The following NAV2 variants were observed in gnomAD, a reference collection of about 807,000 sequenced individuals.
The protein encoded by NAV2 is neuron navigator 2.
NAV2 carries 54 observed loss-of-function variants against 223.2 expected under a neutral mutation model. The ratio of observed to expected loss-of-function variants is 0.24; its 90% CI spans 0.19 to 0.30. The LOEUF (loss-of-function observed/expected upper bound fraction) is 0.30, where lower values mean the gene tolerates loss of function less well. Ranked by LOEUF, NAV2 falls within the 10% of genes least tolerant of loss-of-function variation. The probability of loss-of-function intolerance (pLI) is 1.00; values close to 1 mark genes in which losing one functional copy is unlikely to be tolerated. For missense variants in NAV2, 2,806 were observed against 3,147.5 expected (o/e 0.89, Z 2.60); for synonymous variants, 1,279 against 1,239.3 (o/e 1.03, Z -0.67).
At chr11:19,447,500 G>T (rs1431437034) in intron 1 of NAV2, among the ~76,000 whole-genome samples, 1 of 152,216 alleles carries the variant, frequency 6.6e-6, no homozygotes, top group Non-Finnish European at 1.5e-5. Flanking sequence ...GCTGTGGAAA[G>T]TGAGGATAGT....
At chr11:19,980,708 C>T (rs180780816) in intron 10 of NAV2, among the ~76,000 whole-genome samples, 261 of 152,316 alleles carry the variant, frequency 1.7e-3, no homozygotes, top group African/African-American at 5.9e-3. Context: ...ATACAATAGC[C>T]AATTCCTATA....
chr11:19,724,904 C>T (rs1158361040), intron 1 of NAV2, among the ~76,000 whole-genome samples: 6 of 152,184 alleles, frequency 3.9e-5, no homozygotes, highest in South Asian at 4.1e-4. Context: ...AATGCTAGGG[C>T]GAGGCCTGGG....
At chr11:19,559,412 A>T (rs922535742) in intron 1 of NAV2, among the ~76,000 whole-genome samples, 10 of 152,200 alleles carry the variant, frequency 6.6e-5, no homozygotes, top group African/African-American at 2.2e-4. Context: ...TGTCAGGTGG[A>T]TATAGTAAAG....
chr11:20,026,001 G>A (rs986858623), intron 11 of NAV2, among the ~76,000 whole-genome samples: 7 of 152,186 alleles, frequency 4.6e-5, no homozygotes, highest in African/African-American at 1.4e-4. Flanking sequence ...ATGCTAACTG[G>A]ATGTTATTAG....
chr11:19,780,490 A>G (rs909122966), intron 1 of NAV2, among the ~76,000 whole-genome samples: 4 of 152,262 alleles, frequency 2.6e-5, no homozygotes, highest in African/African-American at 7.2e-5. Context: ...GCAAAAGGAA[A>G]GGCACTGAGA....
At chr11:20,043,450 T>A (rs908577611) in intron 12 of NAV2, among the ~76,000 whole-genome samples, 2 of 152,196 alleles carry the variant, frequency 1.3e-5, no homozygotes, top group Non-Finnish European at 2.9e-5. Flanking sequence ...CTTTTGCTTT[T>A]CTTTTCTTCT....
At chr11:19,607,416 A>G (rs953700253) in intron 1 of NAV2, among the ~76,000 whole-genome samples, 2 of 152,152 alleles carry the variant, frequency 1.3e-5, no homozygotes, top group African/African-American at 4.8e-5. Context: ...CCCACTGGTG[A>G]GCAGAAGAGG....
intron 1 of NAV2, among the ~76,000 whole-genome samples, chr11:19,509,833 A>G (rs2007113): frequency 0.33 from 49,902 of 150,314 alleles, 8,726 homozygotes; most frequent in South Asian, 0.41. Flanking sequence ...CTTTAATCTC[A>G]CCCAAAACAT....
chr11:20,098,393 T>TA (rs1008461468), intron 31 of NAV2, among the ~76,000 whole-genome samples: 28 of 152,346 alleles, frequency 1.8e-4, no homozygotes, highest in African/African-American at 6.5e-4. Flanking sequence ...CTCCTGCTGT[T>TA]AAAAAGGCTG....
At chr11:19,996,345 T>C (rs1394233111) in intron 11 of NAV2, among the ~76,000 whole-genome samples, 2 of 152,222 alleles carry the variant, frequency 1.3e-5, no homozygotes, top group Non-Finnish European at 2.9e-5. Flanking sequence ...GCAAAGCCAC[T>C]GCATCTGGAT....
At chr11:19,481,485 A>G (rs1010133966) in intron 1 of NAV2, among the ~76,000 whole-genome samples, 2 of 152,240 alleles carry the variant, frequency 1.3e-5, no homozygotes, top group African/African-American at 4.8e-5. Context: ...CTGAAGGCAG[A>G]AAGACTTGGG....
intron 1 of NAV2, among the ~76,000 whole-genome samples, chr11:19,491,623 T>A (rs1043521576): frequency 6.6e-6 from 1 of 152,230 alleles, no homozygotes; most frequent in African/African-American, 2.4e-5. Context: ...GATGATTTGA[T>A]CTTCTGTCCA....
intron 6 of NAV2, among the ~76,000 whole-genome samples, chr11:19,898,166 T>A (rs997253581): frequency 1.3e-5 from 2 of 152,116 alleles, no homozygotes; most frequent in Non-Finnish European, 2.9e-5. Flanking sequence ...CTTACATGCA[T>A]ATAGAAGATA....
intron 35 of NAV2, among the ~76,000 whole-genome samples, chr11:20,106,501 T>C (rs1413102127): frequency 4.5e-5 from 6 of 133,354 alleles, no homozygotes; most frequent in Admixed American, 1.6e-4. Context: ...CGGAGGCTGC[T>C]GTGAGCCGAG....
intron 3 of NAV2, among the ~76,000 whole-genome samples, chr11:19,867,194 C>T (rs1486999359): frequency 4.6e-5 from 7 of 152,108 alleles, no homozygotes; most frequent in African/African-American, 1.2e-4. Context: ...CAGATTGCTC[C>T]AAGACATCAC....
At chr11:19,757,785 C>G (rs1443858827) in intron 1 of NAV2, among the ~76,000 whole-genome samples, 14 of 152,098 alleles carry the variant, frequency 9.2e-5, no homozygotes, top group Admixed American at 9.2e-4. Context: ...GCACAAAAGC[C>G]CTAAGAGATA....
At chr11:19,932,375 T>C (rs998272172) in intron 6 of NAV2, among the ~76,000 whole-genome samples, 1 of 152,122 alleles carries the variant, frequency 6.6e-6, no homozygotes, top group Non-Finnish European at 1.5e-5. Context: ...TCACTCTTTT[T>C]CCCAGGCTGG....
rs191722665 is a variant in NAV2 at position 19,456,067 on chromosome 11, A to G, written c.75+105040A>G. On this transcript the variant is annotated intron_variant, in intron 1 of 37. Coordinates refer to the NAV2 transcript ENST00000360655. ...TCTGCTATTCAGGGTTTGAGCACCA[A>G]GGAGGTATAACAATGTCATCCAAGC... 2.1e-4 allele frequency among the ~76,000 whole-genome samples: 32 copies of G among 152,336 alleles called. No homozygotes were observed. The South Asian group carries it at 2.3e-3, about 11-fold the overall frequency.
At chr11:19,396,687 G>A (rs10833102) in intron 1 of NAV2, among the ~76,000 whole-genome samples, 41,480 of 152,096 alleles carry the variant, frequency 0.27, 5,926 homozygotes, top group Non-Finnish European at 0.33. Context: ...TGATAAAGAG[G>A]ACTTGGTGAA....
Sources: allele counts gnomAD v4.1 joint callset (sites outside exome capture counted in the v4.1 genomes callset), GRCh38; gene constraint gnomAD v4.1.1; transcripts MANE v1.5; gene names NCBI Gene and HGNC (gene_info 2026-07-23, HGNC 2026-07-21).